STXBP5: variants seen among roughly 807,000 people sequenced by gnomAD.
STXBP5 encodes the protein syntaxin-binding protein 5.
A neutral mutation model predicts 152.4 loss-of-function variants in STXBP5; 50 were observed. That is an observed-to-expected ratio of 0.33 (90% confidence interval 0.26 to 0.42). The LOEUF is 0.42. Among genes scored for constraint, STXBP5 ranks in the 10% least tolerant of loss-of-function variants. The pLI is 1.00. For missense variants in STXBP5, 1,167 were observed against 1,388.6 expected (o/e 0.84, Z 2.54); for synonymous variants, 492 against 494.7 (o/e 0.99, Z 0.07).
chr6:147,311,391 A>T, intron 10 of STXBP5, 64 bp from the exon 11 acceptor site: 2 of 1,319,996 alleles, frequency 1.5e-6, no homozygotes, highest in Non-Finnish European at 2.2e-6. Flanking sequence ...AGCAAGAAAC[A>T]TTTATCTAAT....
intron 4 of STXBP5, among the ~76,000 whole-genome samples, chr6:147,241,944 A>G (rs894085315): frequency 3.3e-5 from 5 of 152,172 alleles, no homozygotes; most frequent in Non-Finnish European, 5.9e-5. Flanking sequence ...TACACATTTT[A>G]TTATTTTAGA....
At chr6:147,356,042 C>T (rs1226494697) in intron 22 of STXBP5, among the ~76,000 whole-genome samples, 3 of 152,030 alleles carry the variant, frequency 2.0e-5, no homozygotes, top group Non-Finnish European at 4.4e-5. Flanking sequence ...GTTATTCAGG[C>T]AGTTCTTCCA....
rs1257856766 is a variant in STXBP5, at chr6:147,277,982, T to C, written c.715-99T>C. On this transcript the variant is annotated intron_variant, in intron 7 of 27. Coordinates refer to ENST00000321680, the MANE Select transcript of STXBP5 (RefSeq NM_001127715.4). The stretch of plus-strand genomic sequence containing the variant: ...AAGTTCACATGTTAACCTTAGGAAA[T>C]AAAGAAAAGTTAAAAATGAAAATTA... 9 of 1,108,238 alleles carry C rather than the reference T, an allele frequency of 8.1e-6. 1 individual carries two copies. The highest frequency in any genetic ancestry group is 1.1e-5 in the Non-Finnish European group (9 of 795,312). The allele number at this position is 1,108,238 out of a possible 1,614,324, so 68.7% of individuals were successfully genotyped here.
intron 16 of STXBP5, among the ~76,000 whole-genome samples, chr6:147,324,500 C>T (rs905056018): frequency 6.6e-6 from 1 of 151,842 alleles, no homozygotes; most frequent in Non-Finnish European, 1.5e-5. Context: ...CTTGAACTGA[C>T]CTCAGGTGAT....
intron 23 of STXBP5, among the ~76,000 whole-genome samples, chr6:147,360,239 C>T (rs1481579089): frequency 5.3e-5 from 8 of 151,982 alleles, no homozygotes; most frequent in Non-Finnish European, 7.4e-5. Flanking sequence ...GTCAGTGTGG[C>T]GATTCCTCAG....
chr6:147,321,003 CAG>C (rs1458255030), intron 16 of STXBP5, among the ~76,000 whole-genome samples: 4 of 152,028 alleles, frequency 2.6e-5, no homozygotes, highest in South Asian at 2.1e-4. Flanking sequence ...TTTTTGGAGA[CAG>C]AGTCATGAGA....
intron 17 of STXBP5, among the ~76,000 whole-genome samples, chr6:147,326,040 G>A (rs1388334754): frequency 6.6e-6 from 1 of 152,160 alleles, no homozygotes; most frequent in Non-Finnish European, 1.5e-5. Flanking sequence ...ATGCCATTTT[G>A]TATTGAGGAC....
intron 7 of STXBP5, among the ~76,000 whole-genome samples, chr6:147,272,444 A>G (rs1360207144): frequency 6.6e-6 from 1 of 152,194 alleles, no homozygotes; most frequent in Non-Finnish European, 1.5e-5. Context: ...ATTAACTTGT[A>G]ATGTAAACTG....
chr6:147,215,758 T>A (rs934575174), intron 2 of STXBP5, among the ~76,000 whole-genome samples: 241 of 152,274 alleles, frequency 1.6e-3, no homozygotes, highest in African/African-American at 4.9e-3. Flanking sequence ...AGGTTTTTTT[T>A]AAATCTTGTG....
chr6:147,271,901 G>A (rs958620306), intron 7 of STXBP5, among the ~76,000 whole-genome samples: 7 of 151,974 alleles, frequency 4.6e-5, no homozygotes, highest in African/African-American at 1.4e-4. Flanking sequence ...AAAAAAAGAC[G>A]CAGATTACCC....
At chr6:147,284,287 T>A (rs960378327) in intron 8 of STXBP5, among the ~76,000 whole-genome samples, 15 of 152,092 alleles carry the variant, frequency 9.9e-5, no homozygotes, top group African/African-American at 3.6e-4. Context: ...GCATAACACT[T>A]AAAATATGTT....
intron 26 of STXBP5, among the ~76,000 whole-genome samples, 183 bp downstream of exon 26, chr6:147,374,025 T>C (rs1785691713): frequency 6.6e-6 from 1 of 152,202 alleles, no homozygotes; most frequent in Admixed American, 6.5e-5. Context: ...GGAAATACTT[T>C]ACTCAAGGAA....
In STXBP5 at chr6:147,325,915, T is replaced by A. The variant is rs116843212; in HGVS notation, c.1928+831T>A. ...AAAACAATACAACAATTAAAAAAAA[T>A]TTTTAAATACAATATAAAAACTATA... is the stretch of plus-strand genomic sequence containing the variant. On this transcript the variant is annotated intron_variant, in intron 17 of 27. Transcript: ENST00000321680. 4.5e-3 allele frequency among the ~76,000 whole-genome samples: 681 copies of A among 152,242 alleles called. 14 individuals carry two copies. Among genetic ancestry groups the A allele is most frequent in the Admixed American group, 0.034 (525 of 15,294 alleles).
intron 9 of STXBP5, among the ~76,000 whole-genome samples, chr6:147,306,152 C>A (rs996259417): frequency 6.6e-6 from 1 of 152,192 alleles, no homozygotes; most frequent in African/African-American, 2.4e-5. Flanking sequence ...CATGCTCCAG[C>A]ATTTCCAGTC....
chr6:147,336,163 C>T (rs979803700), intron 19 of STXBP5, among the ~76,000 whole-genome samples: 19 of 152,062 alleles, frequency 1.2e-4, no homozygotes, highest in East Asian at 5.8e-4. Flanking sequence ...AAAAGTCAAA[C>T]TTTAATAGGG....
intron 9 of STXBP5, among the ~76,000 whole-genome samples, chr6:147,291,796 T>C: frequency 6.6e-6 from 1 of 152,166 alleles, no homozygotes; most frequent in East Asian, 1.9e-4. Flanking sequence ...CTTTAACTTC[T>C]AAAAGAAACT....
At chr6:147,210,827 T>C (rs1370878521) in intron 2 of STXBP5, among the ~76,000 whole-genome samples, 1 of 152,208 alleles carries the variant, frequency 6.6e-6, no homozygotes, top group East Asian at 1.9e-4. Context: ...TACATTATTA[T>C]TATAATACAT....
chr6:147,314,682 C>T, intron 14 of STXBP5, 46 bp downstream of exon 14: 1 of 1,412,530 alleles, frequency 7.1e-7, no homozygotes, highest in Non-Finnish European at 9.8e-7. Flanking sequence ...TATACAATCA[C>T]TGCTTTTATG....
chr6:147,291,067 A>G, intron 8 of STXBP5, 27 bp from the exon 9 acceptor site: 1 of 1,571,712 alleles, frequency 6.4e-7, no homozygotes, highest in Non-Finnish European at 8.7e-7. Context: ...AGAATTTTAG[A>G]ATTTAATGCA....
Sources: allele counts gnomAD v4.1 joint callset (sites outside exome capture counted in the v4.1 genomes callset), GRCh38; gene constraint gnomAD v4.1.1; transcripts MANE v1.5; gene names NCBI Gene and HGNC (gene_info 2026-07-23, HGNC 2026-07-21).